Variants in MDGA2 observed in about 807,000 individuals in gnomAD.
MDGA2 encodes the protein MAM domain-containing glycosylphosphatidylinositol anchor protein 2.
In MDGA2, 40 loss-of-function variants were observed where a neutral mutation model predicts 117.8. The observed-to-expected ratio is 0.34, with a 90% CI of 0.26 to 0.44. The LOEUF (loss-of-function observed/expected upper bound fraction) is 0.44. MDGA2 is among the 20% of genes least tolerant of loss of function. MDGA2 has a pLI of 1.00. For synonymous variants in MDGA2, 452 were observed against 439.0 expected (o/e 1.03, Z -0.37); for missense variants, 1,123 against 1,250.6 (o/e 0.90, Z 1.54).
intron 8 of MDGA2, among the ~76,000 whole-genome samples, chr14:46,960,160 G>A (rs1885737977): frequency 1.3e-5 from 2 of 152,082 alleles, no homozygotes; most frequent in African/African-American, 4.8e-5. Flanking sequence ...GGCAGAGGTT[G>A]TGGTGAGCCG....
At chr14:47,076,017 A>C (rs888007647) in intron 6 of MDGA2, among the ~76,000 whole-genome samples, 1 of 152,126 alleles carries the variant, frequency 6.6e-6, no homozygotes, top group African/African-American at 2.4e-5. Context: ...TCACAAAAAA[A>C]CCCAAAGAAT....
chr14:47,310,006 T>C (rs774822821), intron 1 of MDGA2, among the ~76,000 whole-genome samples: 1 of 152,126 alleles, frequency 6.6e-6, no homozygotes, highest in Non-Finnish European at 1.5e-5. Flanking sequence ...TTATAAAAAA[T>C]TGAATACAAA....
chr14:47,259,429 G>C (rs1011258663), intron 2 of MDGA2, among the ~76,000 whole-genome samples: 9 of 152,020 alleles, frequency 5.9e-5, no homozygotes, highest in Non-Finnish European at 1.2e-4. Flanking sequence ...GTACCAAAAA[G>C]ATATGTTTGA....
Position 46,920,002 on chromosome 14 carries a change from G to C in MDGA2, c.2238+10C>G. The C allele has an allele frequency of 6.4e-7, 1 of 1,561,124 alleles. No homozygotes were observed. Among genetic ancestry groups the C allele is most frequent in the Non-Finnish European group, 8.6e-7 (1 of 1,158,816 alleles). ...CACAAAGAAAAAAGGACATCAGTTA[G>C]ATTTCTCACCTGCCTGATGCCCAAC... is the stretch of plus-strand genomic sequence containing the variant. On this transcript the variant is annotated intron_variant, in intron 10 of 16. Coordinates refer to ENST00000399232, the MANE Select transcript of MDGA2 (RefSeq NM_001113498.3).
At chr14:47,057,961 T>C (rs1008233610) in intron 7 of MDGA2, among the ~76,000 whole-genome samples, 2 of 152,120 alleles carry the variant, frequency 1.3e-5, no homozygotes, top group Non-Finnish European at 2.9e-5. Context: ...TTTGAGAATA[T>C]GAATAATTCT....
rs1898152889 is a variant in MDGA2, at chr14:47,674,956, T to C, written c.-160A>G. 2.2e-6 allele frequency: 1 copy of C among 459,090 alleles called. No individual in the cohort carries two copies. Among genetic ancestry groups the C allele is most frequent in the Non-Finnish European group, 3.8e-6 (1 of 264,382 alleles). The allele number at this position is 459,090 out of a possible 1,614,324, so 28.4% of individuals were successfully genotyped here. A position where few individuals can be genotyped will look rare whatever the true frequency, so the allele number is the denominator to read the frequency against. On this transcript the variant is annotated 5_prime_UTR_variant, in exon 1 of 17. Transcript: ENST00000399232. ...GGAAGGGGAGCTGCGAGGCGAAGTG[T>C]TCTTCAGGGAAGCGGGCTCGAGTCT...
At chr14:47,507,377 G>C (rs890879165) in intron 1 of MDGA2, among the ~76,000 whole-genome samples, 2 of 152,148 alleles carry the variant, frequency 1.3e-5, no homozygotes, top group East Asian at 1.9e-4. Flanking sequence ...ACTACCAGGA[G>C]AGCAGGACTG....
intron 7 of MDGA2, among the ~76,000 whole-genome samples, chr14:47,057,710 A>ACCTTG (rs1889737027): frequency 8.5e-6 from 1 of 118,252 alleles, no homozygotes; most frequent in Non-Finnish European, 1.7e-5. Flanking sequence ...GCCTTGCCTT[A>ACCTTG]CCTTGCCCTG....
At chr14:47,071,683 G>A (rs983206270) in intron 6 of MDGA2, among the ~76,000 whole-genome samples, 1 of 151,918 alleles carries the variant, frequency 6.6e-6, no homozygotes, top group African/African-American at 2.4e-5. Context: ...CTCTTTACAG[G>A]AAGAAAGGCA....
intron 4 of MDGA2, among the ~76,000 whole-genome samples, chr14:47,138,644 T>C (rs1260334359): frequency 6.6e-6 from 1 of 152,072 alleles, no homozygotes; most frequent in East Asian, 1.9e-4. Flanking sequence ...TGAAGCAGCC[T>C]CAAGCCGTAT....
chr14:47,156,970 A>G (rs1374699830), intron 3 of MDGA2, among the ~76,000 whole-genome samples: 2 of 152,198 alleles, frequency 1.3e-5, no homozygotes, highest in African/African-American at 2.4e-5. Context: ...ATGTCTGTCA[A>G]TGACCACAAC....
At chr14:46,969,919 A>T (rs1413922263) in intron 8 of MDGA2, among the ~76,000 whole-genome samples, 1 of 143,562 alleles carries the variant, frequency 7.0e-6, no homozygotes, top group South Asian at 2.3e-4. Context: ...TGTACCTTAG[A>T]ACTTAAAGTA....
chr14:47,182,466 G>A (rs1048223952), intron 3 of MDGA2, among the ~76,000 whole-genome samples: 1 of 152,108 alleles, frequency 6.6e-6, no homozygotes, highest in Non-Finnish European at 1.5e-5. Flanking sequence ...CACTAGGAGT[G>A]TGTGCACACA....
chr14:46,949,439 T>C (rs1958663266), intron 9 of MDGA2, among the ~76,000 whole-genome samples: 1 of 152,038 alleles, frequency 6.6e-6, no homozygotes, highest in Admixed American at 6.6e-5. Context: ...GCTTCTAGTG[T>C]ACCCATCATC....
At chr14:47,058,599 C>G in intron 7 of MDGA2, 1 of 984,868 alleles carries the variant, frequency 1.0e-6, no homozygotes, top group Non-Finnish European at 1.2e-6. Context: ...TATTAAAGCA[C>G]TTTAGTCTTC....
intron 6 of MDGA2, among the ~76,000 whole-genome samples, chr14:47,064,258 A>T (rs550653811): frequency 6.6e-6 from 1 of 152,124 alleles, no homozygotes; most frequent in Admixed American, 6.6e-5. Flanking sequence ...GATTTGGCCT[A>T]AGTCAATTGT....
chr14:47,155,888 CTTTTTTTTTTTTTTTTTTTTTTTTTTT>C (rs55827732), intron 3 of MDGA2, among the ~76,000 whole-genome samples: 14 of 40,194 alleles, frequency 3.5e-4, no homozygotes, highest in South Asian at 9.8e-4. Context: ...TCTTCTTCTT[CTTTTTTTTTTTTTTTTTTTTTTTTTTT>C]TTTTTTTTTT....
chr14:47,322,850 T>A (rs1267250756), intron 1 of MDGA2, among the ~76,000 whole-genome samples: 1 of 152,110 alleles, frequency 6.6e-6, no homozygotes, highest in Non-Finnish European at 1.5e-5. Flanking sequence ...TTTATCAGCA[T>A]TGGATTGCAT....
chr14:47,016,938 T>G (rs1259213093), intron 8 of MDGA2, among the ~76,000 whole-genome samples: 1 of 140,996 alleles, frequency 7.1e-6, no homozygotes, highest in East Asian at 1.9e-4. Context: ...GTAGTCATTT[T>G]TATTATTTTT....
Sources: gnomAD v4.1 joint callset for allele counts (sites outside exome capture counted in the v4.1 genomes callset) on GRCh38, gnomAD v4.1.1 for gene constraint, MANE v1.5 for transcripts, NCBI Gene and HGNC (gene_info 2026-07-23, HGNC 2026-07-21) for gene names.